Variants in CACNA2D4 observed in about 807,000 individuals in gnomAD.
CACNA2D4 encodes voltage-dependent calcium channel subunit alpha-2/delta-4.
A neutral mutation model predicts 163.8 loss-of-function variants in CACNA2D4; 157 were observed. The ratio of observed to expected loss-of-function variants is 0.96; its 90% confidence interval spans 0.84 to 1.09. CACNA2D4 has a LOEUF of 1.09. Ranked by LOEUF, CACNA2D4 falls within the 50% of genes least tolerant of loss-of-function variation. CACNA2D4 has a pLI of 0.00. For synonymous variants in CACNA2D4, 598 were observed against 586.9 expected (o/e 1.02, Z -0.27); for missense variants, 1,410 against 1,479.9 (o/e 0.95, Z 0.78).
chr12:1,844,375 C>A lies in CACNA2D4; in HGVS notation c.2470+27G>T. ...TGAGACTGGCCTGAGACTGGCCCAG[C>A]CCCGGGAGCACCGGGCTGTGTGTTA... On this transcript the variant is annotated intron_variant, in intron 25 of 37. Coordinates refer to ENST00000382722, the MANE Select transcript of CACNA2D4 (RefSeq NM_172364.5). This position sits in a 1 kb window ranked among gnomAD's most constrained non-coding sequence, Gnocchi z 4.2. 1 of 1,610,832 alleles carries A rather than the reference C, an allele frequency of 6.2e-7. No homozygotes were observed. The highest frequency in any genetic ancestry group is 1.1e-5 in the South Asian group (1 of 90,548).
chr12:1,864,045 C>G (rs1865586862), intron 18 of CACNA2D4, among the ~76,000 whole-genome samples: 1 of 152,380 alleles, frequency 6.6e-6, no homozygotes, highest in African/African-American at 2.4e-5. Flanking sequence ...CCCATCCCGT[C>G]CAAAGACAAA....
At chr12:1,864,912 A>G (rs1298451248) in intron 18 of CACNA2D4, among the ~76,000 whole-genome samples, 1 of 152,092 alleles carries the variant, frequency 6.6e-6, no homozygotes, top group African/African-American at 2.4e-5. Context: ...TCGTAGGAAA[A>G]TCCGGCTAGA....
intron 4 of CACNA2D4, among the ~76,000 whole-genome samples, chr12:1,909,530 C>T (rs1035392081): frequency 2.6e-5 from 4 of 152,230 alleles, no homozygotes; most frequent in African/African-American, 9.6e-5. Flanking sequence ...TCTGCTGTGA[C>T]CAAAGGCCCT....
chr12:1,851,201 T>G (rs1865270942), intron 23 of CACNA2D4, among the ~76,000 whole-genome samples: 2 of 152,216 alleles, frequency 1.3e-5, no homozygotes, highest in African/African-American at 4.8e-5. Flanking sequence ...ATTTTTAATG[T>G]TGTTAAATTT....
chr12:1,904,647 T>C (rs963620011), intron 6 of CACNA2D4, among the ~76,000 whole-genome samples: 19 of 152,060 alleles, frequency 1.2e-4, no homozygotes, highest in African/African-American at 4.1e-4. Context: ...TTTTTGTATG[T>C]TATTGAAGTT....
chr12:1,885,031 C>A lies in CACNA2D4; in HGVS notation c.1114G>T (p.Val372Phe). 6.2e-7 allele frequency: 1 copy of A among 1,613,914 alleles called. No individual in the cohort carries two copies. The highest frequency in any genetic ancestry group is 8.5e-7 in the Non-Finnish European group (1 of 1,179,836). The change falls in exon 10 of 38, where the codon GTC becomes TTC. Residue 372 changes from valine to phenylalanine, a missense_variant. Physicochemically the swap from Val to Phe is conservative, Grantham distance 50 (BLOSUM62 -1). Transcript: ENST00000382722. Reference protein sequence around the residue: ...VEELMVKGVGVVDQALREAFQ... With the variant: ...VEELMVKGVGFVDQALREAFQ... ...GCTTCTCTCAGGGCTTGGTCCACGA[C>A]CCCCACACCTTTGACCATCAACTCC...
In CACNA2D4 at chr12:1,884,897, G is replaced by A. The variant is rs756371548; in HGVS notation, c.1159-16C>T. On this transcript the variant is annotated splice_polypyrimidine_tract_variant and intron_variant, in intron 10 of 37. Transcript: ENST00000382722. ...CCTCTTGGAACTGTGTAGGGAAGAG[G>A]AGTGCCCATGACCACAGGCCAAGCC... is the stretch of plus-strand genomic sequence containing the variant. 1.9e-6 allele frequency: 3 copies of A among 1,609,158 alleles called. No individual in the cohort carries two copies. The Admixed American group carries it at 5.0e-5, about 27-fold the overall frequency.
At chr12:1,814,646 A>G (rs139868343) in intron 26 of CACNA2D4, among the ~76,000 whole-genome samples, 1 of 151,938 alleles carries the variant, frequency 6.6e-6, no homozygotes, top group African/African-American at 2.4e-5. Flanking sequence ...CTCCCATCCA[A>G]CGTCTGCACA....
chr12:1,861,876 G>T (rs1865532671), intron 18 of CACNA2D4, among the ~76,000 whole-genome samples: 1 of 152,106 alleles, frequency 6.6e-6, no homozygotes, highest in Non-Finnish European at 1.5e-5. Context: ...CAGTCTCTCT[G>T]CCTACCCCTT....
intron 18 of CACNA2D4, among the ~76,000 whole-genome samples, chr12:1,870,586 C>A (rs1865748879): frequency 6.6e-6 from 1 of 151,856 alleles, no homozygotes; most frequent in South Asian, 2.1e-4. Flanking sequence ...GTTGTTGCTG[C>A]CTGCTTTTGG....
rs993429792 is a variant in CACNA2D4 at position 1,917,742 on chromosome 12, AT to A, written c.227+504del. Among the ~76,000 whole-genome samples the A allele has an allele frequency of 1.1e-3, 166 of 152,376 alleles. No homozygotes were observed. The highest frequency in any genetic ancestry group is 3.8e-3 in the African/African-American group (159 of 41,590). ...GGGAAGACTGCGGCCACCAAAATCCATTTTTTTCCCCAGTTCCTGGACAAGC... is the reference window on the plus strand; with the variant it reads ...GGGAAGACTGCGGCCACCAAAATCCATTTTTTCCCCAGTTCCTGGACAAGC... On this transcript the variant is annotated intron_variant, in intron 1 of 37. Transcript: ENST00000382722. This position sits in a 1 kb window ranked among gnomAD's most constrained non-coding sequence, Gnocchi z 4.3.
chr12:1,905,497 G>A (rs1236017936), intron 6 of CACNA2D4, among the ~76,000 whole-genome samples: 3 of 152,076 alleles, frequency 2.0e-5, no homozygotes, highest in African/African-American at 7.2e-5. Flanking sequence ...ATAAATAAAT[G>A]CAGCAAAGTA....
At chr12:1,859,660 G>A (rs1248138137) in intron 19 of CACNA2D4, among the ~76,000 whole-genome samples, 3 of 152,166 alleles carry the variant, frequency 2.0e-5, no homozygotes, top group African/African-American at 7.2e-5. Flanking sequence ...TTTACAGATC[G>A]AAATCTAAGG....
Position 1,834,298 on chromosome 12 carries a change from G to C in CACNA2D4, c.2551+6441C>G. ...GCTTGGACCAGCTTGCCTGCACCCT[G>C]CCCAAGGAGCTGAGGGGGAAGGACA... On this transcript the variant is annotated intron_variant, in intron 26 of 37. Transcript: ENST00000382722. The surrounding 1 kb of genome is among the most constrained non-coding windows in gnomAD (Gnocchi z 7.6). 1 of 1,601,510 alleles carries C rather than the reference G, an allele frequency of 6.2e-7. No individual in the cohort carries two copies. Among genetic ancestry groups the C allele is most frequent in the Non-Finnish European group, 8.5e-7 (1 of 1,172,760 alleles).
intron 26 of CACNA2D4, among the ~76,000 whole-genome samples, chr12:1,816,716 C>G (rs924013639): frequency 6.6e-6 from 1 of 152,248 alleles, no homozygotes; most frequent in African/African-American, 2.4e-5. Context: ...TGTGTCATCA[C>G]AGAAGGCAAA....
At chr12:1,794,757 C>T (rs913973532) in intron 37 of CACNA2D4, among the ~76,000 whole-genome samples, 10 of 152,202 alleles carry the variant, frequency 6.6e-5, no homozygotes, top group African/African-American at 2.2e-4. Flanking sequence ...CACAGTGGCT[C>T]GGGGATTTTA....
At chr12:1,817,196 G>A (rs1306511558) in intron 26 of CACNA2D4, among the ~76,000 whole-genome samples, 3 of 152,198 alleles carry the variant, frequency 2.0e-5, no homozygotes, top group Non-Finnish European at 4.4e-5. Context: ...GTGCCAGAAG[G>A]GAGACCAGAG....
intron 29 of CACNA2D4, among the ~76,000 whole-genome samples, chr12:1,804,241 T>C (rs1426615974): frequency 8.6e-5 from 13 of 151,894 alleles, no homozygotes; most frequent in Admixed American, 8.5e-4. Context: ...CACCACACCA[T>C]GTCCTGTTCA....
chr12:1,832,800 C>A (rs753331561), intron 26 of CACNA2D4, among the ~76,000 whole-genome samples: 1 of 152,114 alleles, frequency 6.6e-6, no homozygotes, highest in African/African-American at 2.4e-5. Flanking sequence ...TGAGATAGAC[C>A]TTCTTATTTT....
Sources: gnomAD v4.1 joint callset for allele counts (sites outside exome capture counted in the v4.1 genomes callset) on GRCh38, gnomAD v4.1.1 for gene constraint, Gnocchi (gnomAD v3.1) non-coding constraint, MANE v1.5 for transcripts, NCBI Gene and HGNC (gene_info 2026-07-23, HGNC 2026-07-21) for gene names.